The following PDE1A variants were observed in gnomAD, a reference collection of about 807,000 sequenced individuals.
The protein encoded by PDE1A is phosphodiesterase 1A.
PDE1A carries 35 observed loss-of-function variants against 61.7 expected under a neutral mutation model. That is an observed-to-expected ratio of 0.57 (90% CI 0.43 to 0.75). The LOEUF is 0.75. Ranked by LOEUF, PDE1A falls within the 30% of genes least tolerant of loss-of-function variation. PDE1A has a pLI of 0.00. For synonymous variants in PDE1A, 232 were observed against 213.2 expected (o/e 1.09, Z -0.77); for missense variants, 597 against 630.6 (o/e 0.95, Z 0.57).
intron 10 of PDE1A, among the ~76,000 whole-genome samples, chr2:182,190,875 G>A (rs1685627131): frequency 1.3e-5 from 2 of 151,936 alleles, no homozygotes; most frequent in Admixed American, 1.3e-4. Context: ...GGAATCACTT[G>A]AACCCAAGAG....
At chr2:182,355,830 G>T (rs1322454654) in intron 1 of PDE1A, among the ~76,000 whole-genome samples, 1 of 152,102 alleles carries the variant, frequency 6.6e-6, no homozygotes, top group African/African-American at 2.4e-5. Context: ...CACATTTAAT[G>T]AAATTTTAGG....
intron 1 of PDE1A, among the ~76,000 whole-genome samples, chr2:182,306,979 C>T (rs2577655): frequency 0.93 from 141,570 of 152,224 alleles, 66,404 homozygotes; most frequent in East Asian, 0.99. Context: ...AGTTTCTGCA[C>T]AGCAAAGCTA....
At chr2:182,365,385 T>A (rs1463559679) in intron 1 of PDE1A, among the ~76,000 whole-genome samples, 1 of 152,054 alleles carries the variant, frequency 6.6e-6, no homozygotes, top group Non-Finnish European at 1.5e-5. Context: ...CAGCTCCATT[T>A]TTTAGATGAT....
the PDE1A span, among the ~76,000 whole-genome samples, chr2:182,655,846 C>A: frequency 2.6e-5 from 4 of 152,178 alleles, no homozygotes; most frequent in African/African-American, 9.7e-5. Flanking sequence ...ATTTAGGAAA[C>A]CTGCCAAGGC....
Position 182,489,434 on chromosome 2 carries a change from G to A in PDE1A, c.101+32842C>T, listed in dbSNP as rs191879520. Among the ~76,000 whole-genome samples, 12 of 152,312 alleles carry A rather than the reference G, an allele frequency of 7.9e-5. No individual in the cohort carries two copies. The South Asian group carries it at 1.7e-3, about 21-fold the overall frequency. On this transcript the variant is annotated intron_variant, in intron 2 of 14. Coordinates refer to the PDE1A transcript ENST00000410103. ...TCTGTAAAAGGATCACTGACACTGC[G>A]TGAAAAAGAGCAGAGGTGGAAGAGT...
At chr2:182,568,101 G>T in the PDE1A span, among the ~76,000 whole-genome samples, 2 of 151,700 alleles carry the variant, frequency 1.3e-5, no homozygotes, top group Non-Finnish European at 2.9e-5. Context: ...GCCCGCGCCC[G>T]GCAATGTTTA....
intron 1 of PDE1A, among the ~76,000 whole-genome samples, chr2:182,361,521 T>C (rs1699507104): frequency 6.6e-6 from 1 of 152,060 alleles, no homozygotes; most frequent in Non-Finnish European, 1.5e-5. Flanking sequence ...CAGCTAAATA[T>C]TTAGAGGATA....
chr2:182,314,719 A>G (rs948600828), intron 1 of PDE1A, among the ~76,000 whole-genome samples: 7 of 152,200 alleles, frequency 4.6e-5, no homozygotes, highest in Non-Finnish European at 1.0e-4. Context: ...TTCAAGGAGC[A>G]TATGGAAACT....
chr2:182,522,031 T>C (rs1246838872), intron 2 of PDE1A, among the ~76,000 whole-genome samples: 2 of 152,128 alleles, frequency 1.3e-5, no homozygotes, highest in African/African-American at 2.4e-5. Flanking sequence ...ACAGAATGCG[T>C]AAAAGAAACC....
chr2:182,223,553 G>A (rs377668407), intron 7 of PDE1A, among the ~76,000 whole-genome samples: 1 of 151,984 alleles, frequency 6.6e-6, no homozygotes, highest in African/African-American at 2.4e-5. Context: ...TATGTTGCAA[G>A]ATTTGCCTCA....
chr2:182,695,687 AAAAAG>A, the PDE1A span, among the ~76,000 whole-genome samples: 8 of 21,164 alleles, frequency 3.8e-4, no homozygotes, highest in South Asian at 1.6e-3. Context: ...AAAAAAAAAG[AAAAAG>A]AAAAAGAAAA....
the PDE1A span, among the ~76,000 whole-genome samples, chr2:182,674,015 T>C: frequency 6.8e-6 from 1 of 147,220 alleles, no homozygotes; most frequent in Non-Finnish European, 1.5e-5. Flanking sequence ...TATATATATA[T>C]ATATATATGA....
At chr2:182,441,668 T>C (rs146486995) in intron 2 of PDE1A, among the ~76,000 whole-genome samples, 14 of 152,164 alleles carry the variant, frequency 9.2e-5, no homozygotes, top group Admixed American at 1.3e-4. Flanking sequence ...CCTTATATAA[T>C]AGGCTGAATC....
chr2:182,199,776 T>C (rs1686459617), intron 10 of PDE1A, among the ~76,000 whole-genome samples: 1 of 152,162 alleles, frequency 6.6e-6, no homozygotes, highest in Non-Finnish European at 1.5e-5. Context: ...AGGACCAAAA[T>C]ATTTGAATTT....
At chr2:182,522,630 A>C in intron 1 of PDE1A, 1 of 1,255,976 alleles carries the variant, frequency 8.0e-7, no homozygotes, top group Non-Finnish European at 1.0e-6. Context: ...CACAAGAACA[A>C]TCCGTACATG....
chr2:182,610,032 G>A, the PDE1A span, among the ~76,000 whole-genome samples: 2 of 150,966 alleles, frequency 1.3e-5, no homozygotes, highest in African/African-American at 2.4e-5. Flanking sequence ...AGGTTGCAGT[G>A]AGCCAAGATT....
At chr2:182,530,887 C>T in the PDE1A span, among the ~76,000 whole-genome samples, 1 of 94,416 alleles carries the variant, frequency 1.1e-5, no homozygotes, top group African/African-American at 2.8e-5. Flanking sequence ...TTTCTTCATC[C>T]TCTTGAGTTT....
the PDE1A span, among the ~76,000 whole-genome samples, chr2:182,635,947 ATTTTTTTTT>A: frequency 1.8e-5 from 1 of 55,272 alleles, no homozygotes; most frequent in Non-Finnish European, 3.2e-5. Context: ...TCTCACCGGT[ATTTTTTTTT>A]TTTTTTTTTT....
chr2:182,597,130 C>A, the PDE1A span, among the ~76,000 whole-genome samples: 2 of 151,024 alleles, frequency 1.3e-5, no homozygotes. Context: ...CCAGCCTGGG[C>A]AACAGAGTGA....
Sources: allele counts gnomAD v4.1 joint callset (sites outside exome capture counted in the v4.1 genomes callset), GRCh38; gene constraint gnomAD v4.1.1; transcripts MANE v1.5; gene names NCBI Gene and HGNC (gene_info 2026-07-23, HGNC 2026-07-21).